Variants in ST8SIA1 observed in about 807,000 individuals in gnomAD.
ST8SIA1 encodes alpha-N-acetylneuraminide alpha-2,8-sialyltransferase.
Under a neutral mutation model 35.9 loss-of-function variants are expected in ST8SIA1, and 16 were observed. That is an observed-to-expected ratio of 0.45 (90% CI 0.30 to 0.68). ST8SIA1 has a LOEUF of 0.68. ST8SIA1 is among the 30% of genes least tolerant of loss of function. ST8SIA1 has a pLI of 0.09. For missense variants in ST8SIA1, 383 were observed against 453.6 expected (o/e 0.84, Z 1.41); for synonymous variants, 170 against 169.6 (o/e 1.00, Z -0.02).
intron 4 of ST8SIA1, among the ~76,000 whole-genome samples, chr12:22,216,741 T>C (rs1297569091): frequency 1.3e-5 from 2 of 152,232 alleles, no homozygotes; most frequent in Non-Finnish European, 2.9e-5. Context: ...CAGTATCTAA[T>C]AAATATTTGT....
rs1555151635 is a variant in ST8SIA1 at position 22,195,209 on chromosome 12, A to AAAAAGAAAG, written c.*6342_*6343insCTTTCTTTT. The AAAAAGAAAG allele has an allele frequency of 1.3e-5, 2 of 148,648 alleles. No individual in the cohort carries two copies. The highest frequency in any genetic ancestry group is 5.0e-5 in the African/African-American group (2 of 40,166). 9.2% of individuals were successfully genotyped at this position (148,648 alleles called of 1,614,324 possible). A position where few individuals can be genotyped will look rare whatever the true frequency, so the allele number is the denominator to read the frequency against. On this transcript the variant is annotated 3_prime_UTR_variant, in exon 5 of 5. Coordinates refer to ENST00000396037, the MANE Select transcript of ST8SIA1 (RefSeq NM_003034.4). ...TCAACAAAAAAAAAAAAAAAAAAAA[A>AAAAAGAAAG]AAAGAAAGAAAGAAAGAAAGGAAAA...
intron 1 of ST8SIA1, among the ~76,000 whole-genome samples, chr12:22,292,340 T>C (rs990610547): frequency 4.6e-5 from 7 of 152,208 alleles, no homozygotes; most frequent in African/African-American, 1.7e-4. Context: ...ATATGCTATA[T>C]ATTTAATTTA....
intron 1 of ST8SIA1, among the ~76,000 whole-genome samples, chr12:22,333,570 G>C (rs1477939404): frequency 6.6e-6 from 1 of 152,194 alleles, no homozygotes; most frequent in Non-Finnish European, 1.5e-5. Flanking sequence ...TTATGTTACC[G>C]ACTGTGCACT....
chr12:22,226,504 T>A lies in ST8SIA1; in HGVS notation c.584+22502A>T, dbSNP rs557005399. Among the ~76,000 whole-genome samples, 521 of 145,352 alleles carry A rather than the reference T, an allele frequency of 3.6e-3. 2 individuals are homozygous for A. Among genetic ancestry groups the A allele is most frequent in the Middle Eastern group, 7.2e-3 (2 of 278 alleles). On this transcript the variant is annotated intron_variant, in intron 4 of 4. Coordinates refer to ENST00000396037, the MANE Select transcript of ST8SIA1 (RefSeq NM_003034.4). The stretch of plus-strand genomic sequence containing the variant: ...TGGAAAGCCTTATGGCTGTTAAAAC[T>A]TTTTTTTTTTTCCTTATTGGGTCTG...
chr12:22,232,141 G>T (rs942682449), intron 4 of ST8SIA1, among the ~76,000 whole-genome samples: 9 of 152,110 alleles, frequency 5.9e-5, no homozygotes, highest in African/African-American at 1.9e-4. Context: ...AACGTGATTT[G>T]TAAAATCATG....
chr12:22,275,260 A>G (rs760021504), intron 2 of ST8SIA1, among the ~76,000 whole-genome samples: 13 of 152,226 alleles, frequency 8.5e-5, no homozygotes, highest in Non-Finnish European at 1.6e-4. Context: ...GTAAAAAGTA[A>G]TGAGGGGCTG....
chr12:22,286,985 G>A (rs1204581540), intron 2 of ST8SIA1, among the ~76,000 whole-genome samples, 164 bp downstream of exon 2: 2 of 152,102 alleles, frequency 1.3e-5, no homozygotes, highest in African/African-American at 4.8e-5. Flanking sequence ...AAAACACTGT[G>A]ATTTATTCAC....
rs532500842 is a variant in ST8SIA1, at chr12:22,334,706, A to ACCCCCCCCCCC, written c.-475_-474insGGGGGGGGGGG. ...TCCCGCGCTGCTGCGCCGCCAGGCA[A>ACCCCCCCCCCC]CCCCCCCCCCCCCACCCCGCCCCGA... is the stretch of plus-strand genomic sequence containing the variant. On this transcript the variant is annotated 5_prime_UTR_variant, in exon 1 of 5. Coordinates refer to ENST00000396037, the MANE Select transcript of ST8SIA1 (RefSeq NM_003034.4). 113 of 64,590 alleles carry ACCCCCCCCCCC rather than the reference A, an allele frequency of 1.7e-3. No individual in the cohort carries two copies. The highest frequency in any genetic ancestry group is 2.0e-3 in the Non-Finnish European group (64 of 31,262). The allele number at this position is 64,590 out of a possible 1,614,324, so 4.0% of individuals were successfully genotyped here.
At chr12:22,300,324 A>G (rs1184280267) in intron 1 of ST8SIA1, among the ~76,000 whole-genome samples, 5 of 152,270 alleles carry the variant, frequency 3.3e-5, no homozygotes, top group African/African-American at 1.2e-4. Flanking sequence ...AGGTCCAGGG[A>G]CTATTGCAGA....
chr12:22,230,775 A>G (rs899350695), intron 4 of ST8SIA1, among the ~76,000 whole-genome samples: 16 of 152,168 alleles, frequency 1.1e-4, no homozygotes, highest in South Asian at 6.2e-4. Context: ...ATCACAGGGC[A>G]TTGCTGGGGG....
intron 4 of ST8SIA1, among the ~76,000 whole-genome samples, chr12:22,212,733 A>C (rs987248022): frequency 6.6e-6 from 1 of 152,214 alleles, no homozygotes; most frequent in African/African-American, 2.4e-5. Flanking sequence ...TTAACTTTGA[A>C]GCAAGGATGA....
At chr12:22,323,598 A>G (rs1866632661) in intron 1 of ST8SIA1, among the ~76,000 whole-genome samples, 1 of 152,236 alleles carries the variant, frequency 6.6e-6, no homozygotes, top group Non-Finnish European at 1.5e-5. Context: ...AAGTCATGGA[A>G]TCAACCTAAA....
At chr12:22,246,459 T>C (rs1865603438) in intron 4 of ST8SIA1, among the ~76,000 whole-genome samples, 1 of 152,186 alleles carries the variant, frequency 6.6e-6, no homozygotes, top group Non-Finnish European at 1.5e-5. Context: ...TCTCATTCCG[T>C]AGCGTACAAT....
intron 2 of ST8SIA1, among the ~76,000 whole-genome samples, chr12:22,262,884 A>T (rs1865807751): frequency 6.6e-6 from 1 of 152,254 alleles, no homozygotes; most frequent in Non-Finnish European, 1.5e-5. Context: ...TAAAGGGCAG[A>T]ACAAGAGATT....
chr12:22,322,376 G>A (rs941876541), intron 1 of ST8SIA1, among the ~76,000 whole-genome samples: 1 of 152,178 alleles, frequency 6.6e-6, no homozygotes, highest in African/African-American at 2.4e-5. Context: ...CACATAGAAG[G>A]CATCGAATAT....
intron 1 of ST8SIA1, among the ~76,000 whole-genome samples, chr12:22,297,997 T>C (rs1257247236): frequency 6.6e-6 from 1 of 152,090 alleles, no homozygotes; most frequent in African/African-American, 2.4e-5. Context: ...CAGTGGCTAA[T>C]GGTTTAATCA....
At chr12:22,314,011 T>C (rs1180596541) in intron 1 of ST8SIA1, among the ~76,000 whole-genome samples, 1 of 152,192 alleles carries the variant, frequency 6.6e-6, no homozygotes, top group South Asian at 2.1e-4. Context: ...AATAAGCATT[T>C]TGTGGTCCTT....
chr12:22,312,645 T>G (rs1056251002), intron 1 of ST8SIA1, among the ~76,000 whole-genome samples: 1 of 151,956 alleles, frequency 6.6e-6, no homozygotes, highest in African/African-American at 2.4e-5. Flanking sequence ...AAATTAGTCA[T>G]TGCTGGATTA....
intron 1 of ST8SIA1, among the ~76,000 whole-genome samples, chr12:22,301,103 T>C (rs2098412): frequency 0.11 from 17,080 of 152,156 alleles, 1,236 homozygotes; most frequent in Middle Eastern, 0.24. Flanking sequence ...TTGTCAATTG[T>C]GTCTTTGACT....
Sources: allele counts gnomAD v4.1 joint callset (sites outside exome capture counted in the v4.1 genomes callset), GRCh38; gene constraint gnomAD v4.1.1; transcripts MANE v1.5; gene names NCBI Gene and HGNC (gene_info 2026-07-23, HGNC 2026-07-21).